The following KLHL28 variants were observed in gnomAD, a reference collection of about 807,000 sequenced individuals.
KLHL28 encodes the protein kelch-like protein 28.
KLHL28 carries 22 observed loss-of-function variants against 48.3 expected under a neutral mutation model. That is an observed-to-expected ratio of 0.46 (90% CI 0.33 to 0.65). The LOEUF is 0.65. Among genes scored for constraint, KLHL28 ranks in the 30% least tolerant of loss-of-function variants. KLHL28 has a pLI of 0.03. For synonymous variants in KLHL28, 243 were observed against 242.4 expected, an observed-to-expected ratio of 1.00 and a Z score of -0.02; for missense variants, 527 against 704.3, an observed-to-expected ratio of 0.75 and a Z score of 2.85.
chr14:44,939,766 C>T (rs1566567806), intron 2 of KLHL28, among the ~76,000 whole-genome samples: 2 of 151,990 alleles, frequency 1.3e-5, no homozygotes, highest in African/African-American at 4.8e-5. Flanking sequence ...TTCCCTATGG[C>T]CTCTTCTTCT....
In KLHL28 at chr14:44,931,383, G is replaced by C; in HGVS notation, c.1502C>G (p.Pro501Arg). 2 of 1,613,840 alleles carry C rather than the reference G, an allele frequency of 1.2e-6. No individual in the cohort carries two copies. The highest frequency in any genetic ancestry group is 1.7e-6 in the Non-Finnish European group (2 of 1,179,928). Residue 501 changes from proline to arginine, a missense_variant, in exon 4 of 5, where the codon CCT becomes CGT. Physicochemically the swap from Pro to Arg is moderately radical, Grantham distance 103. Transcript: ENST00000396128. ...ACACACAGTCCACTGATTTTGATGA[G>C]GATCGTATCTTTCAATGCTGGACAA... is the stretch of plus-strand genomic sequence containing the variant. ...SHLSSIERYD[P>R]HQNQWTVCRP...
At chr14:44,942,251 C>G (rs912004203) in intron 2 of KLHL28, among the ~76,000 whole-genome samples, 2 of 152,044 alleles carry the variant, frequency 1.3e-5, no homozygotes, top group African/African-American at 4.8e-5. Flanking sequence ...TCTTCCTCAT[C>G]ATCCCTCCCT....
intron 2 of KLHL28, among the ~76,000 whole-genome samples, chr14:44,943,956 C>T (rs1884215442): frequency 6.6e-6 from 1 of 152,064 alleles, no homozygotes; most frequent in South Asian, 2.1e-4. Context: ...CTCAAGTGAT[C>T]CTCCTGTGTT....
intron 4 of KLHL28, among the ~76,000 whole-genome samples, chr14:44,929,931 G>T (rs1390657728): frequency 6.6e-6 from 1 of 151,690 alleles, no homozygotes; most frequent in Non-Finnish European, 1.5e-5. Flanking sequence ...CTTTCCATAG[G>T]CTATTTTTTT....
rs766190011 is a variant in KLHL28 at position 44,927,266 on chromosome 14, G to A, written c.*1762C>T. 35 of 152,514 alleles carry A rather than the reference G, an allele frequency of 2.3e-4. No homozygotes were observed. The highest frequency in any genetic ancestry group is 9.2e-4 in the Admixed American group (14 of 15,272). 9.4% of individuals were successfully genotyped at this position (152,514 alleles called of 1,614,324 possible). A position where few individuals can be genotyped will look rare whatever the true frequency, so the allele number is the denominator to read the frequency against. ...TAGTATATATTCAAATCTACAACTG[G>A]CAGTTTATGGAAGAACAAAGAACTG... On this transcript the variant is annotated 3_prime_UTR_variant, in exon 5 of 5. Coordinates refer to ENST00000396128, the MANE Select transcript of KLHL28 (RefSeq NM_017658.5).
rs759229156 is a variant in KLHL28, at chr14:44,945,422, C to T, written c.507G>A (p.Gln169=). 2 of 1,614,154 alleles carry T rather than the reference C, an allele frequency of 1.2e-6. No individual in the cohort carries two copies. The highest frequency in any genetic ancestry group is 2.2e-5 in the East Asian group (1 of 44,888). Residue 169 remains glutamine, a synonymous_variant, in exon 2 of 5, where the codon CAG becomes CAA. Transcript: ENST00000396128. ...GTGTAAGCTCAAAAAACTCTTCAGT[C>T]TGGCAAACAGCTTCAAAATTCTGGC... is the stretch of plus-strand genomic sequence containing the variant. ...YICQNFEAVC[Q]TEEFFELTHA...
chr14:44,936,621 C>A (rs1011235074), intron 2 of KLHL28, among the ~76,000 whole-genome samples: 4 of 152,102 alleles, frequency 2.6e-5, no homozygotes, highest in African/African-American at 9.7e-5. Flanking sequence ...AGAGTAGTTA[C>A]TGGGGAGTGC....
chr14:44,943,577 A>C (rs974394062), intron 2 of KLHL28, among the ~76,000 whole-genome samples: 1 of 152,150 alleles, frequency 6.6e-6, no homozygotes, highest in African/African-American at 2.4e-5. Flanking sequence ...AAATCACTTG[A>C]ACCTGGGAGG....
rs955141735 is a variant in KLHL28 at position 44,924,555 on chromosome 14, T to A, written c.*4473A>T. 1 of 152,602 alleles carries A rather than the reference T, an allele frequency of 6.6e-6. No homozygotes were observed. Among genetic ancestry groups the A allele is most frequent in the Non-Finnish European group, 1.5e-5 (1 of 68,026 alleles). The allele number at this position is 152,602 out of a possible 1,614,324, so 9.5% of individuals were successfully genotyped here. A position where few individuals can be genotyped will look rare whatever the true frequency, so the allele number is the denominator to read the frequency against. Reference sequence around the variant, plus strand: ...ATATACAAAAACATTTAAACTAACATAATCCACAACTAGATCACATTCTTT... The same window carrying A: ...ATATACAAAAACATTTAAACTAACAAAATCCACAACTAGATCACATTCTTT... On this transcript the variant is annotated 3_prime_UTR_variant, in exon 5 of 5. Transcript: ENST00000396128.
At chr14:44,946,305 G>C (rs1309341160) in intron 1 of KLHL28, among the ~76,000 whole-genome samples, 1 of 152,032 alleles carries the variant, frequency 6.6e-6, no homozygotes, top group Non-Finnish European at 1.5e-5. Flanking sequence ...GGAAAAACTT[G>C]GTTAAAGTAA....
At chr14:44,942,170 C>T (rs1884128832) in intron 2 of KLHL28, among the ~76,000 whole-genome samples, 1 of 152,302 alleles carries the variant, frequency 6.6e-6, no homozygotes, top group Admixed American at 6.5e-5. Context: ...CATATTCTCT[C>T]TCTCTCTGCA....
At chr14:44,941,018 C>A (rs548792960) in intron 2 of KLHL28, among the ~76,000 whole-genome samples, 20 of 151,674 alleles carry the variant, frequency 1.3e-4, no homozygotes, top group African/African-American at 4.8e-4. Flanking sequence ...GAGAATCGCT[C>A]GAACTCAGGA....
intron 1 of KLHL28, chr14:44,959,548 T>G: frequency 6.6e-6 from 1 of 152,120 alleles, no homozygotes; most frequent in East Asian, 1.9e-4. Flanking sequence ...AGAAAAATCA[T>G]AGTGATTCGC....
In KLHL28 at chr14:44,945,646, T is replaced by A; in HGVS notation, c.283A>T (p.Thr95Ser). ...ALQAIVEYAY[T>S]GTVFISQDTV... Reference sequence around the variant, plus strand: ...TCCTGAGAAATAAAAACAGTCCCTGTATAGGCATACTCCACAATGGCCTGG... The same window carrying A: ...TCCTGAGAAATAAAAACAGTCCCTGAATAGGCATACTCCACAATGGCCTGG... Residue 95 changes from threonine to serine, a missense_variant, in exon 2 of 5, where the codon ACA (threonine) becomes TCA (serine). Thr to Ser is a moderately conservative substitution (Grantham distance 58). Coordinates refer to ENST00000396128, the MANE Select transcript of KLHL28 (RefSeq NM_017658.5). The A allele has an allele frequency of 6.2e-7, 1 of 1,614,186 alleles. No individual in the cohort carries two copies. The highest frequency in any genetic ancestry group is 8.5e-7 in the Non-Finnish European group (1 of 1,180,026).
chr14:44,948,371 A>G (rs927298244), intron 1 of KLHL28, among the ~76,000 whole-genome samples: 4 of 152,180 alleles, frequency 2.6e-5, no homozygotes, highest in Non-Finnish European at 1.5e-5. Flanking sequence ...GAGATAAAAC[A>G]TATCAGTGAA....
chr14:44,931,210 T>C (rs1356426298), intron 4 of KLHL28, 123 bp downstream of exon 4: 4 of 189,576 alleles, frequency 2.1e-5, no homozygotes, highest in Non-Finnish European at 3.0e-5. Context: ...CATACAAGTC[T>C]TTTTTTTTTT....
chr14:44,938,492 C>T (rs1237289625), intron 2 of KLHL28, among the ~76,000 whole-genome samples: 1 of 152,080 alleles, frequency 6.6e-6, no homozygotes, highest in East Asian at 1.9e-4. Flanking sequence ...CTGCCTCAGC[C>T]TCCCGAGTAG....
Position 44,927,040 on chromosome 14 carries a change from G to A in KLHL28, c.*1988C>T, listed in dbSNP as rs184905315. On this transcript the variant is annotated 3_prime_UTR_variant, in exon 5 of 5. Coordinates refer to ENST00000396128, the MANE Select transcript of KLHL28 (RefSeq NM_017658.5). ...ATGCAATAGATTTATTCAAATCAAT[G>A]AAAAAGTTATTGCTATATATTATTA... 1.3e-5 allele frequency: 2 copies of A among 152,628 alleles called. No individual in the cohort carries two copies. The highest frequency in any genetic ancestry group is 2.9e-5 in the Non-Finnish European group (2 of 67,992). 9.5% of individuals were successfully genotyped at this position (152,628 alleles called of 1,614,324 possible).
chr14:44,950,724 G>T (rs191993348), intron 1 of KLHL28, among the ~76,000 whole-genome samples: 1 of 152,140 alleles, frequency 6.6e-6, no homozygotes, highest in Non-Finnish European at 1.5e-5. Context: ...AGACAAAATT[G>T]TATAAAAAGC....
Sources: allele counts gnomAD v4.1 joint callset (sites outside exome capture counted in the v4.1 genomes callset), GRCh38; gene constraint gnomAD v4.1.1; transcripts MANE v1.5; gene names NCBI Gene and HGNC (gene_info 2026-07-23, HGNC 2026-07-21).